Variants in FRAS1 observed in about 807,000 individuals in gnomAD.
FRAS1 encodes the protein Fraser extracellular matrix complex subunit 1, also known as extracellular matrix organizing protein FRAS1.
FRAS1 carries 290 observed loss-of-function variants against 435.2 expected under a neutral mutation model. That is an observed-to-expected ratio of 0.67 (90% CI 0.61 to 0.73). The LOEUF is 0.73. Among genes scored for constraint, FRAS1 ranks in the 30% least tolerant of loss-of-function variants. The pLI is 0.00. For synonymous variants in FRAS1, 1,800 were observed against 1,851.0 expected (o/e 0.97, Z 0.71); for missense variants, 4,860 against 5,001.5 (o/e 0.97, Z 0.85).
chr4:78,364,155 T>A, intron 22 of FRAS1, 101 bp downstream of exon 22: 3 of 1,297,984 alleles, frequency 2.3e-6, no homozygotes, highest in South Asian at 1.6e-5. Flanking sequence ...TCTCACCTGG[T>A]AGCCTTTATT....
At chr4:78,451,294 G>A (rs1323056913) in intron 45 of FRAS1, among the ~76,000 whole-genome samples, 1 of 152,086 alleles carries the variant, frequency 6.6e-6, no homozygotes, top group Non-Finnish European at 1.5e-5. Flanking sequence ...TTATTTGTTG[G>A]TTGGCTATAG....
At chr4:78,396,650 G>A (rs1171911386) in intron 29 of FRAS1, among the ~76,000 whole-genome samples, 17 of 152,186 alleles carry the variant, frequency 1.1e-4, no homozygotes, top group African/African-American at 4.1e-4. Context: ...TTCCGTAATA[G>A]GTTATACTGG....
In FRAS1 at chr4:78,371,082, T is replaced by TG. The variant is rs199641000; in HGVS notation, c.2869+1099dup. Among the ~76,000 whole-genome samples the TG allele has an allele frequency of 2.5e-4, 35 of 137,274 alleles. 1 individual carries two copies. Among genetic ancestry groups the TG allele is most frequent in the South Asian group, 6.7e-4 (3 of 4,460 alleles). 90.1% of individuals were successfully genotyped at this position (137,274 alleles called of 152,430 possible). A position where few individuals can be genotyped will look rare whatever the true frequency, so the allele number is the denominator to read the frequency against. Reference sequence around the variant, plus strand: ...GCTCGAGACCACAGAATTTTTTTTCTGTTTTTTTGTTTTTTTTTTTTTTTG... The same window carrying TG: ...GCTCGAGACCACAGAATTTTTTTTCTGGTTTTTTTGTTTTTTTTTTTTTTTG... On this transcript the variant is annotated intron_variant, in intron 23 of 73. Coordinates refer to ENST00000512123, the MANE Select transcript of FRAS1 (RefSeq NM_025074.7).
Position 78,441,704 on chromosome 4 carries a change from A to C in FRAS1, c.5665+407A>C, listed in dbSNP as rs1456116321. ...TGGGGCAGAAGGGCTTGTGGATTAC[A>C]CTCAGAAATGAGTGTCCAGGAAGTA... On this transcript the variant is annotated intron_variant, in intron 41 of 73. Coordinates refer to ENST00000512123, the MANE Select transcript of FRAS1 (RefSeq NM_025074.7). Among the ~76,000 whole-genome samples, 6 of 152,240 alleles carry C rather than the reference A, an allele frequency of 3.9e-5. No individual in the cohort carries two copies. In the East Asian group the frequency reaches 1.2e-3, roughly 29 times the overall value.
In FRAS1 at chr4:78,444,387, G is replaced by GA. The variant is rs200770982; in HGVS notation, c.5666-1126dup. Among the ~76,000 whole-genome samples, 1,233 of 150,882 alleles carry GA rather than the reference G, an allele frequency of 8.2e-3. 8 individuals are homozygous for GA. The highest frequency in any genetic ancestry group is 0.012 in the Non-Finnish European group (844 of 67,614). ...ATTTAAAAAAATTCATGTTATTGAA[G>GA]AAAAAAAAATGGTGTTGAGCTCTTC... On this transcript the variant is annotated intron_variant, in intron 41 of 73. Coordinates refer to ENST00000512123, the MANE Select transcript of FRAS1 (RefSeq NM_025074.7).
At chr4:78,454,130 G>T (rs1719112938) in intron 47 of FRAS1, among the ~76,000 whole-genome samples, 1 of 151,072 alleles carries the variant, frequency 6.6e-6, no homozygotes, top group African/African-American at 2.4e-5. Context: ...TGACAGTTGA[G>T]CAGACATCTG....
At chr4:78,517,140 A>T (rs1721236890) in intron 66 of FRAS1, among the ~76,000 whole-genome samples, 2 of 152,238 alleles carry the variant, frequency 1.3e-5, no homozygotes, top group Admixed American at 1.3e-4. Flanking sequence ...GAGAGAAATT[A>T]TAGAGGGATT....
At chr4:78,310,029 T>C (rs1560645447) in intron 15 of FRAS1, among the ~76,000 whole-genome samples, 1 of 152,230 alleles carries the variant, frequency 6.6e-6, no homozygotes, top group African/African-American at 2.4e-5. Flanking sequence ...TGGGAGCTGC[T>C]TGCTTAAAAC....
In FRAS1 at chr4:78,450,142, T is replaced by C; in HGVS notation, c.6275-9T>C. ...GGGAATAACCTACTCTCTTCCGTTC[T>C]CTTCCAAGGGTCTGTAGCACGCATC... is the stretch of plus-strand genomic sequence containing the variant. On this transcript the variant is annotated splice_polypyrimidine_tract_variant and intron_variant, in intron 44 of 73. Transcript: ENST00000512123. 1 of 1,608,842 alleles carries C rather than the reference T, an allele frequency of 6.2e-7. No individual in the cohort carries two copies. The highest frequency in any genetic ancestry group is 8.5e-7 in the Non-Finnish European group (1 of 1,176,918).
intron 33 of FRAS1, among the ~76,000 whole-genome samples, chr4:78,421,430 G>A (rs953676743): frequency 6.6e-6 from 1 of 152,178 alleles, no homozygotes; most frequent in Non-Finnish European, 1.5e-5. Context: ...TTATGGGCAT[G>A]AGCCACCACG....
At chr4:78,362,693 C>T (rs1731121236) in intron 20 of FRAS1, among the ~76,000 whole-genome samples, 1 of 152,104 alleles carries the variant, frequency 6.6e-6, no homozygotes, top group South Asian at 2.1e-4. Context: ...AATGGGGTTA[C>T]ACAGAAAATT....
chr4:78,135,771 G>T (rs1166802757), intron 2 of FRAS1, among the ~76,000 whole-genome samples: 1 of 152,150 alleles, frequency 6.6e-6, no homozygotes, highest in African/African-American at 2.4e-5. Flanking sequence ...ACTCTAGGGG[G>T]TGTCATTTAC....
intron 2 of FRAS1, among the ~76,000 whole-genome samples, chr4:78,188,940 G>A (rs1033113480): frequency 6.6e-6 from 1 of 152,180 alleles, no homozygotes. Context: ...ACAGCTCAAA[G>A]TATGTGCCCT....
chr4:78,067,721 T>C (rs1740116572), intron 2 of FRAS1, among the ~76,000 whole-genome samples: 1 of 145,660 alleles, frequency 6.9e-6, no homozygotes. Context: ...ATTTGTAAGA[T>C]AGGGTCTCGC....
intron 58 of FRAS1, among the ~76,000 whole-genome samples, chr4:78,486,830 ATTTTTT>A (rs67268640): frequency 1.6e-5 from 2 of 123,528 alleles, no homozygotes; most frequent in African/African-American, 3.0e-5. Flanking sequence ...CTCTCTCTCT[ATTTTTT>A]TTTTTTTTTT....
At chr4:78,308,042 A>G (rs1728858399) in intron 14 of FRAS1, 24 bp from the exon 15 acceptor site, 4 of 1,576,442 alleles carry the variant, frequency 2.5e-6, no homozygotes, top group Non-Finnish European at 3.5e-6. Flanking sequence ...TAGATTACTC[A>G]CTGATTTTGC....
At chr4:78,204,172 C>T (rs1578183947) in intron 2 of FRAS1, among the ~76,000 whole-genome samples, 1 of 152,100 alleles carries the variant, frequency 6.6e-6, no homozygotes, top group Non-Finnish European at 1.5e-5. Flanking sequence ...ATATATTGAT[C>T]AGTTGATGAA....
At chr4:78,174,426 C>T (rs1347391651) in intron 2 of FRAS1, among the ~76,000 whole-genome samples, 1 of 152,196 alleles carries the variant, frequency 6.6e-6, no homozygotes, top group East Asian at 1.9e-4. Context: ...AGATGTAACA[C>T]TTCCTACCAA....
At chr4:78,253,741 T>C (rs568238375) in intron 5 of FRAS1, among the ~76,000 whole-genome samples, 13 of 152,328 alleles carry the variant, frequency 8.5e-5, no homozygotes, top group African/African-American at 2.9e-4. Flanking sequence ...TTTGAGATTC[T>C]GTGAGTTTCT....
Sources: gnomAD v4.1 joint callset for allele counts (sites outside exome capture counted in the v4.1 genomes callset) on GRCh38, gnomAD v4.1.1 for gene constraint, MANE v1.5 for transcripts, NCBI Gene and HGNC (gene_info 2026-07-23, HGNC 2026-07-21) for gene names.